CDH10: variants seen among roughly 807,000 people sequenced by gnomAD.
CDH10 encodes cadherin-10.
CDH10 carries 30 observed loss-of-function variants against 73.1 expected under a neutral mutation model. The ratio of observed to expected loss-of-function variants is 0.41; its 90% CI spans 0.31 to 0.56. The LOEUF is 0.56. CDH10 is among the 20% of genes least tolerant of loss of function. The pLI is 0.27. For synonymous variants in CDH10, 345 were observed against 348.2 expected (o/e 0.99, Z 0.10); for missense variants, 815 against 973.7 (o/e 0.84, Z 2.17).
intron 2 of CDH10, among the ~76,000 whole-genome samples, chr5:24,547,963 G>A (rs1454069229): frequency 6.6e-6 from 1 of 152,154 alleles, no homozygotes; most frequent in Admixed American, 6.6e-5. Flanking sequence ...GAAGCGTAAA[G>A]CAAACAAATG....
chr5:24,531,425 T>TA (rs1316075882), intron 5 of CDH10, among the ~76,000 whole-genome samples: 2 of 152,130 alleles, frequency 1.3e-5, no homozygotes, highest in Non-Finnish European at 2.9e-5. Flanking sequence ...ATGGCTGTAT[T>TA]AGTCTATTCT....
chr5:24,526,977 T>G (rs1265291442), intron 5 of CDH10, among the ~76,000 whole-genome samples: 1 of 151,476 alleles, frequency 6.6e-6, no homozygotes, highest in Non-Finnish European at 1.5e-5. Flanking sequence ...CCAAAAATGT[T>G]CCTTCCCTCA....
At chr5:24,582,183 G>C (rs1745826446) in intron 2 of CDH10, among the ~76,000 whole-genome samples, 1 of 152,088 alleles carries the variant, frequency 6.6e-6, no homozygotes, top group African/African-American at 2.4e-5. Flanking sequence ...TGAAAACTAG[G>C]GGAAGAGGCC....
intron 1 of CDH10, among the ~76,000 whole-genome samples, chr5:24,630,854 A>C (rs573513179): frequency 6.6e-6 from 1 of 152,222 alleles, no homozygotes; most frequent in African/African-American, 2.4e-5. Flanking sequence ...ATAATATTTA[A>C]TAGGCATTTG....
intron 2 of CDH10, among the ~76,000 whole-genome samples, chr5:24,537,928 T>C (rs962247788): frequency 2.0e-5 from 3 of 152,096 alleles, no homozygotes; most frequent in African/African-American, 7.2e-5. Flanking sequence ...CTCCTGTCTT[T>C]GCTTGGTAAA....
intron 2 of CDH10, among the ~76,000 whole-genome samples, chr5:24,578,900 A>T (rs1745692627): frequency 6.6e-6 from 1 of 152,172 alleles, no homozygotes; most frequent in Non-Finnish European, 1.5e-5. Context: ...TTACAGGGAA[A>T]TATCTTGTAT....
At chr5:24,548,117 G>A (rs552692360) in intron 2 of CDH10, among the ~76,000 whole-genome samples, 2 of 152,158 alleles carry the variant, frequency 1.3e-5, no homozygotes, top group African/African-American at 4.8e-5. Flanking sequence ...GGGAACCTCA[G>A]CAGGGTTTCT....
At chr5:24,621,346 C>G (rs1174821243) in intron 1 of CDH10, among the ~76,000 whole-genome samples, 2 of 152,132 alleles carry the variant, frequency 1.3e-5, no homozygotes, top group African/African-American at 4.8e-5. Flanking sequence ...TAAGAGGACA[C>G]AGAGCTAAAC....
chr5:24,554,103 G>GT (rs1554020923), intron 2 of CDH10: 2 of 43,228 alleles, frequency 4.6e-5, no homozygotes, highest in Non-Finnish European at 9.9e-5. Context: ...GAGAGAAGGG[G>GT]AGGTGGGCGG....
intron 5 of CDH10, among the ~76,000 whole-genome samples, chr5:24,522,521 A>G (rs982557975): frequency 6.7e-6 from 1 of 149,476 alleles, no homozygotes; most frequent in African/African-American, 2.5e-5. Flanking sequence ...ATAAAATAAA[A>G]AAGTCTGGGA....
intron 1 of CDH10, among the ~76,000 whole-genome samples, chr5:24,633,753 T>C (rs577818139): frequency 9.9e-5 from 15 of 152,036 alleles, no homozygotes; most frequent in African/African-American, 3.6e-4. Flanking sequence ...TATGTAAACA[T>C]TAAATGGCAT....
At chr5:24,643,087 C>G (rs934640807) in intron 1 of CDH10, among the ~76,000 whole-genome samples, 5 of 152,064 alleles carry the variant, frequency 3.3e-5, no homozygotes, top group Admixed American at 1.3e-4. Context: ...CCTGTGCACT[C>G]TCCAGTCTCT....
intron 5 of CDH10, among the ~76,000 whole-genome samples, chr5:24,524,207 T>C (rs140680409): frequency 3.3e-5 from 5 of 152,262 alleles, no homozygotes; most frequent in Middle Eastern, 3.4e-3. Flanking sequence ...TATTTCAAAA[T>C]TGAAAAGTGA....
intron 1 of CDH10, among the ~76,000 whole-genome samples, chr5:24,628,296 G>A (rs1220750714): frequency 6.6e-6 from 1 of 152,182 alleles, no homozygotes; most frequent in African/African-American, 2.4e-5. Flanking sequence ...GGGAGAAGAT[G>A]CTATACAGCA....
At chr5:24,549,157 T>C (rs1020262932) in intron 2 of CDH10, among the ~76,000 whole-genome samples, 1 of 152,098 alleles carries the variant, frequency 6.6e-6, no homozygotes, top group Non-Finnish European at 1.5e-5. Flanking sequence ...AACTGAAAGA[T>C]GCAGAAAACA....
chr5:24,633,810 G>A (rs561296163), intron 1 of CDH10, among the ~76,000 whole-genome samples: 24 of 151,736 alleles, frequency 1.6e-4, no homozygotes, highest in Non-Finnish European at 3.0e-4. Flanking sequence ...AACCCTTAAT[G>A]TAAATTCACA....
At chr5:24,624,258 C>G (rs1044376604) in intron 1 of CDH10, among the ~76,000 whole-genome samples, 1 of 152,108 alleles carries the variant, frequency 6.6e-6, no homozygotes, top group African/African-American at 2.4e-5. Flanking sequence ...ATTGTATTGT[C>G]TGATGCCACC....
At chr5:24,607,679 A>C (rs2112135084) in intron 1 of CDH10, among the ~76,000 whole-genome samples, 1 of 152,308 alleles carries the variant, frequency 6.6e-6, no homozygotes, top group African/African-American at 2.4e-5. Flanking sequence ...TCTATCTGAA[A>C]AGGTCAAATT....
At chr5:24,501,527 G>A (rs548181041) in intron 8 of CDH10, among the ~76,000 whole-genome samples, 2 of 152,170 alleles carry the variant, frequency 1.3e-5, no homozygotes, top group Non-Finnish European at 2.9e-5. Context: ...AGTTCTTCAG[G>A]GAAACACTAC....
Sources: allele counts gnomAD v4.1 joint callset (sites outside exome capture counted in the v4.1 genomes callset), GRCh38; gene constraint gnomAD v4.1.1; transcripts MANE v1.5; gene names NCBI Gene and HGNC (gene_info 2026-07-23, HGNC 2026-07-21).